Variants in SUSD4 observed in about 807,000 individuals in gnomAD.
The protein encoded by SUSD4 is sushi domain containing 4.
In SUSD4, 41 loss-of-function variants were observed where a neutral mutation model predicts 50.5. The ratio of observed to expected loss-of-function variants is 0.81; its 90% CI spans 0.63 to 1.05. The LOEUF is 1.05. SUSD4 is among the 50% of genes least tolerant of loss of function. The pLI is 0.00. For missense variants in SUSD4, 580 were observed against 634.7 expected, an observed-to-expected ratio of 0.91 and a Z score of 0.93; for synonymous variants, 257 against 257.3, an observed-to-expected ratio of 1.00 and a Z score of 0.01.
At chr1:223,295,897 C>T (rs1664791520) in intron 2 of SUSD4, among the ~76,000 whole-genome samples, 1 of 151,570 alleles carries the variant, frequency 6.6e-6, no homozygotes, top group Non-Finnish European at 1.5e-5. Flanking sequence ...ATCAGATTCG[C>T]ATTTTAGAAT....
At chr1:223,329,165 G>C (rs543379238) in intron 2 of SUSD4, among the ~76,000 whole-genome samples, 2 of 151,998 alleles carry the variant, frequency 1.3e-5, no homozygotes, top group African/African-American at 4.8e-5. Context: ...CTTTATCAAC[G>C]GGCATAAACA....
At chr1:223,295,035 G>T (rs377230158) in intron 2 of SUSD4, among the ~76,000 whole-genome samples, 1 of 152,094 alleles carries the variant, frequency 6.6e-6, no homozygotes, top group Non-Finnish European at 1.5e-5. Context: ...TGAATATCAT[G>T]AATATTGAAA....
chr1:223,258,431 A>G (rs950334823), intron 5 of SUSD4, among the ~76,000 whole-genome samples: 3 of 151,998 alleles, frequency 2.0e-5, no homozygotes, highest in Non-Finnish European at 2.9e-5. Context: ...TTCTTAGGAA[A>G]TCACACTGCT....
chr1:223,223,477 C>A lies in SUSD4; in HGVS notation c.1216G>T (p.Val406Leu), dbSNP rs200930945. Residue 406 changes from valine (V) to leucine (L), a missense_variant, in exon 8 of 9, where the codon GTG becomes TTG. Coordinates refer to ENST00000366878, the MANE Select transcript of SUSD4 (RefSeq NM_017982.4). ...TATGCTGGGGGGCTCTGGTCGTCCA[C>A]GGGTAAGGGGCAGCCCTGGCCCACA... is the stretch of plus-strand genomic sequence containing the variant. ...ASVGQGCPLP[V>L]DDQSPPAYPG... 6.2e-7 allele frequency: 1 copy of A among 1,613,686 alleles called. No homozygotes were observed. The highest frequency in any genetic ancestry group is 8.5e-7 in the Non-Finnish European group (1 of 1,179,864).
In SUSD4 at chr1:223,277,641, G is replaced by A. The variant is rs182631895; in HGVS notation, c.362-8966C>T. 6.1e-3 allele frequency among the ~76,000 whole-genome samples: 923 copies of A among 152,260 alleles called. 3 individuals are homozygous for A. Among genetic ancestry groups the A allele is most frequent in the Non-Finnish European group, 8.5e-3 (577 of 68,022 alleles). On this transcript the variant is annotated intron_variant, in intron 3 of 8. Coordinates refer to ENST00000366878, the MANE Select transcript of SUSD4 (RefSeq NM_017982.4). Reference sequence around the variant, plus strand: ...ACTTCTATTTTTAAAAGTTCTGCAAGTGATCCTGACAGGCAGCCTGGGTTG... The same window carrying A: ...ACTTCTATTTTTAAAAGTTCTGCAAATGATCCTGACAGGCAGCCTGGGTTG...
intron 2 of SUSD4, among the ~76,000 whole-genome samples, chr1:223,304,869 A>G: frequency 8.4e-6 from 1 of 119,430 alleles, no homozygotes; most frequent in East Asian, 2.4e-4. Context: ...CTATGTGATT[A>G]ATATTCAACC....
intron 2 of SUSD4, among the ~76,000 whole-genome samples, chr1:223,326,898 T>C (rs1406537813): frequency 6.6e-6 from 1 of 152,148 alleles, no homozygotes; most frequent in Non-Finnish European, 1.5e-5. Flanking sequence ...CTAGTGAAAA[T>C]GTAAACTAGT....
intron 3 of SUSD4, among the ~76,000 whole-genome samples, chr1:223,271,167 T>G (rs1016197791): frequency 6.6e-6 from 1 of 152,190 alleles, no homozygotes. Flanking sequence ...ATGATTGATT[T>G]AAAACTTGTT....
intron 2 of SUSD4, among the ~76,000 whole-genome samples, chr1:223,307,963 C>T (rs1456837075): frequency 1.3e-5 from 2 of 152,172 alleles, no homozygotes; most frequent in East Asian, 3.8e-4. Context: ...TGGACAACAA[C>T]AGCTAATTAT....
In SUSD4 at chr1:223,263,507, T is replaced by C. The variant is rs78973133; in HGVS notation, c.724+1123A>G. 1,372 of 975,634 alleles carry C rather than the reference T, an allele frequency of 1.4e-3. 17 individuals are homozygous for C. In the African/African-American group the frequency reaches 0.022, roughly 16 times the overall value. The allele number at this position is 975,634 out of a possible 1,614,324, so 60.4% of individuals were successfully genotyped here. On this transcript the variant is annotated intron_variant, in intron 5 of 8. Transcript: ENST00000366878. The stretch of plus-strand genomic sequence containing the variant: ...ATCTCTAGGCTAGGCTCCAATTCCC[T>C]GGGGGATTTGCGATGGGTGGGAAGT...
At chr1:223,299,606 A>T (rs1665053439) in intron 2 of SUSD4, among the ~76,000 whole-genome samples, 1 of 152,198 alleles carries the variant, frequency 6.6e-6, no homozygotes, top group African/African-American at 2.4e-5. Context: ...GTACTCAGAC[A>T]TCAATCAAAC....
intron 2 of SUSD4, among the ~76,000 whole-genome samples, chr1:223,312,780 T>A (rs1034199959): frequency 6.6e-6 from 1 of 152,154 alleles, no homozygotes; most frequent in Non-Finnish European, 1.5e-5. Context: ...ATTCTCTCTC[T>A]CTACTCACAG....
At chr1:223,244,537 C>T (rs995668763) in intron 5 of SUSD4, among the ~76,000 whole-genome samples, 5 of 152,090 alleles carry the variant, frequency 3.3e-5, no homozygotes, top group Admixed American at 6.5e-5. Flanking sequence ...GGGCAGGTCA[C>T]GTGGGGATGT....
chr1:223,265,312 G>A (rs1662418080), intron 4 of SUSD4, among the ~76,000 whole-genome samples: 1 of 152,210 alleles, frequency 6.6e-6, no homozygotes, highest in African/African-American at 2.4e-5. Context: ...TAGTGGATTT[G>A]GGGACAGAAA....
Position 223,229,962 on chromosome 1 carries a change from C to T in SUSD4, c.725-574G>A, listed in dbSNP as rs940193518. On this transcript the variant is annotated intron_variant, in intron 5 of 8. Coordinates refer to ENST00000366878, the MANE Select transcript of SUSD4 (RefSeq NM_017982.4). The surrounding 1 kb of genome is among the most constrained non-coding windows in gnomAD (Gnocchi z 4.7). ...CTCCAGGGCAACCAGAGTTAGGTGC[C>T]TTGGGCATGAGGCTTGGTTCTGCCA... is the stretch of plus-strand genomic sequence containing the variant. Among the ~76,000 whole-genome samples, 2 of 152,182 alleles carry T rather than the reference C, an allele frequency of 1.3e-5. No individual in the cohort carries two copies. Among genetic ancestry groups the T allele is most frequent in the African/African-American group, 4.8e-5 (2 of 41,448 alleles).
At chr1:223,279,892 G>C (rs1253715954) in intron 3 of SUSD4, among the ~76,000 whole-genome samples, 2 of 152,116 alleles carry the variant, frequency 1.3e-5, no homozygotes, top group Admixed American at 1.3e-4. Context: ...CGGATCTCTC[G>C]GCAGAAACTA....
chr1:223,257,674 T>C (rs534003921), intron 5 of SUSD4, among the ~76,000 whole-genome samples: 1 of 152,372 alleles, frequency 6.6e-6, no homozygotes, highest in African/African-American at 2.4e-5. Context: ...TCATTTCCCA[T>C]GTGCTACTTC....
At chr1:223,336,676 G>T (rs927549364) in intron 2 of SUSD4, among the ~76,000 whole-genome samples, 10 of 152,084 alleles carry the variant, frequency 6.6e-5, no homozygotes, top group Non-Finnish European at 8.8e-5. Context: ...AGTAGTATCT[G>T]GGTGACTGTA....
intron 3 of SUSD4, among the ~76,000 whole-genome samples, chr1:223,292,227 C>T (rs1713221): frequency 0.83 from 126,783 of 152,234 alleles, 53,283 homozygotes; most frequent in African/African-American, 0.95. Flanking sequence ...GTAATTGAGA[C>T]AGAGAAAAAA....
Sources: gnomAD v4.1 joint callset for allele counts (sites outside exome capture counted in the v4.1 genomes callset) on GRCh38, gnomAD v4.1.1 for gene constraint, Gnocchi (gnomAD v3.1) non-coding constraint, MANE v1.5 for transcripts, NCBI Gene and HGNC (gene_info 2026-07-23, HGNC 2026-07-21) for gene names.